The following SLCO6A1 variants were observed in gnomAD, a reference collection of about 807,000 sequenced individuals.
SLCO6A1 encodes solute carrier organic anion transporter family member 6A1, also known as cancer/testis antigen 48.
In SLCO6A1, 65 loss-of-function variants were observed where a neutral mutation model predicts 72.7. The ratio of observed to expected loss-of-function variants is 0.89; its 90% confidence interval spans 0.73 to 1.10. SLCO6A1 has a LOEUF of 1.10. Among genes scored for constraint, SLCO6A1 ranks in the 50% least tolerant of loss-of-function variants. The pLI, the probability that SLCO6A1 is intolerant of heterozygous loss-of-function variation, is 0.00. For synonymous variants in SLCO6A1, 314 were observed against 298.2 expected, an observed-to-expected ratio of 1.05 and a Z score of -0.55; for missense variants, 874 against 872.6, an observed-to-expected ratio of 1.00 and a Z score of -0.02.
At chr5:102,457,956 A>C (rs1259304496) in intron 6 of SLCO6A1, among the ~76,000 whole-genome samples, 1 of 152,214 alleles carries the variant, frequency 6.6e-6, no homozygotes, top group East Asian at 1.9e-4. Context: ...TTGTAGGGAC[A>C]TGGATGAAGC....
At chr5:102,469,856 T>A (rs1289254759) in intron 4 of SLCO6A1, among the ~76,000 whole-genome samples, 1 of 151,990 alleles carries the variant, frequency 6.6e-6, no homozygotes, top group Admixed American at 6.6e-5. Context: ...TTATTGAGAG[T>A]TTTTAGCATG....
chr5:102,406,928 G>C (rs1459783740), intron 9 of SLCO6A1, among the ~76,000 whole-genome samples: 2 of 152,156 alleles, frequency 1.3e-5, no homozygotes, highest in Non-Finnish European at 2.9e-5. Context: ...AGTAGCAAAA[G>C]ATTATGGAAC....
intron 1 of SLCO6A1, among the ~76,000 whole-genome samples, chr5:102,487,738 A>G (rs918813997): frequency 1.3e-5 from 2 of 152,232 alleles, no homozygotes; most frequent in African/African-American, 4.8e-5. Context: ...ACTAGATCCA[A>G]GATTACTTCA....
At chr5:102,439,553 A>T (rs1040236189) in intron 6 of SLCO6A1, among the ~76,000 whole-genome samples, 1 of 152,092 alleles carries the variant, frequency 6.6e-6, no homozygotes, top group African/African-American at 2.4e-5. Context: ...TCAAATTCTC[A>T]GTGCTATCTG....
chr5:102,464,914 G>A (rs950009878), intron 4 of SLCO6A1, among the ~76,000 whole-genome samples: 1 of 152,046 alleles, frequency 6.6e-6, no homozygotes, highest in African/African-American at 2.4e-5. Context: ...AGAAAAGTAG[G>A]GAGTGGAACT....
chr5:102,491,041 C>T (rs1042864715), intron 1 of SLCO6A1, among the ~76,000 whole-genome samples: 1 of 152,070 alleles, frequency 6.6e-6, no homozygotes, highest in Non-Finnish European at 1.5e-5. Context: ...CTGATTGGTG[C>T]GTTTACAATC....
At chr5:102,393,296 A>G (rs188649788) in intron 10 of SLCO6A1, among the ~76,000 whole-genome samples, 3 of 152,282 alleles carry the variant, frequency 2.0e-5, no homozygotes, top group South Asian at 2.1e-4. Flanking sequence ...CTAGAATTGC[A>G]AAGAAAATTT....
At chr5:102,498,424 C>T in intron 1 of SLCO6A1, 63 bp downstream of exon 1, 2 of 1,498,036 alleles carry the variant, frequency 1.3e-6, no homozygotes, top group Non-Finnish European at 1.8e-6. Flanking sequence ...TACTCCCTCT[C>T]CCGCCTCCGC....
chr5:102,443,811 T>C (rs1157742440), intron 6 of SLCO6A1, among the ~76,000 whole-genome samples: 1 of 152,202 alleles, frequency 6.6e-6, no homozygotes, highest in Non-Finnish European at 1.5e-5. Context: ...GAAAGCCAGA[T>C]AGATATACAA....
intron 6 of SLCO6A1, among the ~76,000 whole-genome samples, chr5:102,455,594 T>G (rs1474123356): frequency 6.6e-6 from 1 of 152,190 alleles, no homozygotes; most frequent in East Asian, 1.9e-4. Flanking sequence ...TTTCAACTTC[T>G]AGAGTTCTCT....
At chr5:102,496,272 G>A (rs1752906565) in intron 1 of SLCO6A1, among the ~76,000 whole-genome samples, 1 of 152,190 alleles carries the variant, frequency 6.6e-6, no homozygotes, top group African/African-American at 2.4e-5. Context: ...CTCACAGGAA[G>A]CAGGTATTGT....
chr5:102,427,336 G>A (rs991541497), intron 7 of SLCO6A1, among the ~76,000 whole-genome samples: 1 of 151,928 alleles, frequency 6.6e-6, no homozygotes, highest in Non-Finnish European at 1.5e-5. Flanking sequence ...GAGAAACCTG[G>A]CAAATGCTAC....
intron 11 of SLCO6A1, 94 bp downstream of exon 11, chr5:102,390,887 A>G (rs1352344064): frequency 5.7e-6 from 6 of 1,053,482 alleles, no homozygotes; most frequent in Non-Finnish European, 8.5e-6. Flanking sequence ...TGTGTCATTT[A>G]CTATTATTTA....
chr5:102,407,193 C>A (rs1028229645), intron 9 of SLCO6A1, among the ~76,000 whole-genome samples: 13 of 152,162 alleles, frequency 8.5e-5, no homozygotes, highest in African/African-American at 3.1e-4. Context: ...ATTGCCATGG[C>A]GACAGTAGTA....
At position 102,493,787 on chromosome 5, in the gene SLCO6A1, A is replaced by T. The variant is rs1022362464; in HGVS notation, c.358+4700T>A. ...ATGACTTCTGTAACTTAATAGGTTAATTGAACAAAGATGCAGGATAGAAGA... is the reference window on the plus strand; with the variant it reads ...ATGACTTCTGTAACTTAATAGGTTATTTGAACAAAGATGCAGGATAGAAGA... On this transcript the variant is annotated intron_variant, in intron 1 of 13. Transcript: ENST00000506729. Among the ~76,000 whole-genome samples the T allele has an allele frequency of 2.7e-4, 41 of 152,210 alleles. 1 individual carries two copies. Among genetic ancestry groups the T allele is most frequent in the Non-Finnish European group, 5.9e-5 (4 of 68,004 alleles).
chr5:102,372,414 G>T (rs1750672686), intron 13 of SLCO6A1, among the ~76,000 whole-genome samples: 1 of 151,898 alleles, frequency 6.6e-6, no homozygotes, highest in South Asian at 2.1e-4. Flanking sequence ...AGAGAACCTT[G>T]TTCCACAACA....
chr5:102,426,547 T>C (rs1159706727), intron 7 of SLCO6A1, among the ~76,000 whole-genome samples: 1 of 152,106 alleles, frequency 6.6e-6, no homozygotes, highest in Admixed American at 6.5e-5. Context: ...ATTAGAGAAA[T>C]GCAAATCAAA....
rs753648135 is a variant in SLCO6A1 at position 102,399,711 on chromosome 5, C to A, written c.1658G>T (p.Gly553Val). The A allele has an allele frequency of 1.2e-5, 19 of 1,582,636 alleles. No individual in the cohort carries two copies. In the East Asian group the frequency reaches 2.7e-4, roughly 22 times the overall value. Reference sequence around the variant, plus strand: ...ACCTTCTGCATCTGCAGTTATTAATCCTTCTTTAATGCAAGAACAATTGTA... The same window carrying A: ...ACCTTCTGCATCTGCAGTTATTAATACTTCTTTAATGCAAGAACAATTGTA... ...MYYNCSCIKE[G>V]LITADAEGDF... Residue 553 changes from glycine to valine, a missense_variant, in exon 10 of 14, where the codon GGA (glycine) becomes GTA (valine). Coordinates refer to ENST00000506729, the MANE Select transcript of SLCO6A1 (RefSeq NM_173488.5).
intron 13 of SLCO6A1, 58 bp downstream of exon 13, chr5:102,373,276 TTAC>T: frequency 1.9e-6 from 2 of 1,061,694 alleles, no homozygotes; most frequent in Non-Finnish European, 2.5e-6. Flanking sequence ...TACATTATTA[TTAC>T]TTTAAATTTT....
Sources: gnomAD v4.1 joint callset for allele counts (sites outside exome capture counted in the v4.1 genomes callset) on GRCh38, gnomAD v4.1.1 for gene constraint, MANE v1.5 for transcripts, NCBI Gene and HGNC (gene_info 2026-07-23, HGNC 2026-07-21) for gene names.